PHF24: variants seen among roughly 807,000 people sequenced by gnomAD.
PHF24 encodes the protein PHD finger protein 24, also known as Galpha inhibitory interacting protein.
Under a neutral mutation model 42.6 loss-of-function variants are expected in PHF24, and 25 were observed. The ratio of observed to expected loss-of-function variants is 0.59; its 90% CI spans 0.43 to 0.82. The LOEUF is 0.82. Ranked by LOEUF, PHF24 falls within the 40% of genes least tolerant of loss-of-function variation. PHF24 has a pLI of 0.00. For synonymous variants in PHF24, 185 were observed against 204.8 expected (o/e 0.90, Z 0.83); for missense variants, 470 against 538.1 (o/e 0.87, Z 1.25).
chr9:34,860,672 A>G, the PHF24 span, among the ~76,000 whole-genome samples: 2 of 147,198 alleles, frequency 1.4e-5, no homozygotes, highest in Non-Finnish European at 3.0e-5. Context: ...TGACTCTTAT[A>G]ATGAGACCTT....
the PHF24 span, among the ~76,000 whole-genome samples, chr9:34,669,614 A>G: frequency 6.6e-6 from 1 of 151,428 alleles, no homozygotes; most frequent in Non-Finnish European, 1.5e-5. Flanking sequence ...TCCTTGGAAG[A>G]CTGAGGGTCC....
At chr9:34,909,112 C>T in the PHF24 span, among the ~76,000 whole-genome samples, 4 of 151,304 alleles carry the variant, frequency 2.6e-5, no homozygotes, top group Non-Finnish European at 5.9e-5. Flanking sequence ...CCTCCCAAAG[C>T]GCTGGGATTA....
chr9:34,768,894 G>C, the PHF24 span, among the ~76,000 whole-genome samples: 1 of 144,692 alleles, frequency 6.9e-6, no homozygotes, highest in Admixed American at 6.8e-5. Context: ...CTAGTAGGTG[G>C]GGGGAGAGAG....
the PHF24 span, among the ~76,000 whole-genome samples, chr9:34,893,791 A>G: frequency 2.0e-5 from 3 of 152,162 alleles, no homozygotes; most frequent in African/African-American, 7.2e-5. Context: ...GAACGGAGCC[A>G]GGCGGTTAGC....
the PHF24 span, chr9:34,835,655 C>G: frequency 2.6e-6 from 4 of 1,551,246 alleles, no homozygotes; most frequent in African/African-American, 5.5e-5. Flanking sequence ...GTGTTTGGGC[C>G]CCGGAGCACA....
the PHF24 span, among the ~76,000 whole-genome samples, chr9:34,936,910 C>T: frequency 1.0e-3 from 149 of 146,226 alleles, no homozygotes; most frequent in African/African-American, 2.6e-3. Context: ...CCCCTCTGCC[C>T]GGCAGCCACC....
At chr9:34,740,079 A>T in the PHF24 span, among the ~76,000 whole-genome samples, 2 of 152,180 alleles carry the variant, frequency 1.3e-5, no homozygotes, top group African/African-American at 4.8e-5. Context: ...ACCTTGAACT[A>T]GATACGGAGT....
At chr9:34,934,117 A>G in the PHF24 span, among the ~76,000 whole-genome samples, 1 of 152,184 alleles carries the variant, frequency 6.6e-6, no homozygotes, top group Non-Finnish European at 1.5e-5. Flanking sequence ...GACAATGTCC[A>G]AGTTCTCATT....
the PHF24 span, among the ~76,000 whole-genome samples, chr9:34,929,133 C>T: frequency 6.6e-6 from 1 of 152,146 alleles, no homozygotes; most frequent in East Asian, 1.9e-4. Flanking sequence ...GGTCACCCTT[C>T]TCCCTATCTG....
chr9:34,899,491 C>T, the PHF24 span, among the ~76,000 whole-genome samples: 38 of 152,212 alleles, frequency 2.5e-4, no homozygotes, highest in Admixed American at 4.6e-4. Context: ...CGCTGTGTCT[C>T]ATACTCAGAA....
the PHF24 span, among the ~76,000 whole-genome samples, chr9:34,785,568 T>C: frequency 6.6e-6 from 1 of 152,188 alleles, no homozygotes; most frequent in Non-Finnish European, 1.5e-5. Context: ...GGGAATAAGT[T>C]TGTGTTTTTC....
At chr9:34,823,817 C>T in the PHF24 span, among the ~76,000 whole-genome samples, 3 of 152,090 alleles carry the variant, frequency 2.0e-5, no homozygotes, top group Non-Finnish European at 2.9e-5. Flanking sequence ...AGAGACTGAG[C>T]CACACATGAC....
chr9:34,882,087 T>C, the PHF24 span, among the ~76,000 whole-genome samples: 1 of 152,158 alleles, frequency 6.6e-6, no homozygotes, highest in African/African-American at 2.4e-5. Context: ...TAATCCATCA[T>C]ATAAACAGAA....
At chr9:34,800,695 A>G in the PHF24 span, among the ~76,000 whole-genome samples, 1,003 of 152,256 alleles carry the variant, frequency 6.6e-3, 11 homozygotes, top group African/African-American at 0.021. Flanking sequence ...TTAAATGTAA[A>G]ACTCAAAACC....
At chr9:34,728,078 C>T in the PHF24 span, 1 of 1,551,912 alleles carries the variant, frequency 6.4e-7, no homozygotes, top group Non-Finnish European at 8.7e-7. Flanking sequence ...GGGAACGTCT[C>T]CTAGCTGAGG....
At chr9:34,798,233 A>G in the PHF24 span, among the ~76,000 whole-genome samples, 15 of 152,248 alleles carry the variant, frequency 9.9e-5, no homozygotes, top group Middle Eastern at 3.4e-3. Context: ...TAAATTTTGG[A>G]TTCAGGTGGT....
chr9:34,964,047 C>T (rs934179989), intron 1 of PHF24, among the ~76,000 whole-genome samples: 1 of 152,184 alleles, frequency 6.6e-6, no homozygotes, highest in Non-Finnish European at 1.5e-5. Context: ...CACTTTAATT[C>T]ACATGCTCTG....
chr9:34,952,398 C>T, the PHF24 span, among the ~76,000 whole-genome samples: 6 of 152,084 alleles, frequency 3.9e-5, no homozygotes, highest in Non-Finnish European at 7.4e-5. Context: ...GGAGATATGC[C>T]GTATTCATGG....
chr9:34,685,180 G>T, the PHF24 span, among the ~76,000 whole-genome samples: 1 of 152,086 alleles, frequency 6.6e-6, no homozygotes, highest in African/African-American at 2.4e-5. Flanking sequence ...CTGTCACAAG[G>T]TTCCTTGTCC....
Sources: allele counts gnomAD v4.1 joint callset (sites outside exome capture counted in the v4.1 genomes callset), GRCh38; gene constraint gnomAD v4.1.1; transcripts MANE v1.5; gene names NCBI Gene and HGNC (gene_info 2026-07-23, HGNC 2026-07-21).